Variants in IQSEC3 observed in about 807,000 individuals in gnomAD.
IQSEC3 encodes IQ motif and SEC7 domain-containing protein 3.
IQSEC3 carries 50 observed loss-of-function variants against 105.4 expected under a neutral mutation model. That is an observed-to-expected ratio of 0.47 (90% confidence interval 0.38 to 0.60). IQSEC3 has a LOEUF of 0.60. Ranked by LOEUF, IQSEC3 falls within the 20% of genes least tolerant of loss-of-function variation. IQSEC3 has a pLI of 0.00. For synonymous variants in IQSEC3, 708 were observed against 746.0 expected (o/e 0.95, Z 0.83); for missense variants, 1,415 against 1,630.0 (o/e 0.87, Z 2.27).
At chr12:72,841 G>A (rs1201866243) in intron 1 of IQSEC3, among the ~76,000 whole-genome samples, 5 of 116,130 alleles carry the variant, frequency 4.3e-5, no homozygotes, top group South Asian at 3.4e-4. Flanking sequence ...TCAGGAGATC[G>A]AGACCATCCT....
chr12:124,484 A>G (rs1555082635), intron 2 of IQSEC3, among the ~76,000 whole-genome samples: 2 of 152,154 alleles, frequency 1.3e-5, no homozygotes, highest in African/African-American at 2.4e-5. Flanking sequence ...TTTCTTCCTC[A>G]CTGTAACCTC....
chr12:68,561 C>T (rs868952675), intron 1 of IQSEC3, among the ~76,000 whole-genome samples: 1 of 152,386 alleles, frequency 6.6e-6, no homozygotes. Flanking sequence ...GCCATGTCTG[C>T]TTCTTTTCTC....
intron 1 of IQSEC3, among the ~76,000 whole-genome samples, chr12:83,788 C>T (rs1565383095): frequency 2.6e-5 from 4 of 152,070 alleles, no homozygotes; most frequent in African/African-American, 4.8e-5. Context: ...GAAGGGAGAG[C>T]AGTTCAGCAG....
At chr12:129,025 TCTC>T (rs1865505659) in intron 3 of IQSEC3, among the ~76,000 whole-genome samples, 2 of 151,976 alleles carry the variant, frequency 1.3e-5, no homozygotes, top group Non-Finnish European at 2.9e-5. Flanking sequence ...TCCTGGGGAT[TCTC>T]CTCACCTGTC....
At chr12:165,662 C>T in intron 10 of IQSEC3, 67 bp from the exon 11 acceptor site, 2 of 1,598,066 alleles carry the variant, frequency 1.3e-6, no homozygotes, top group East Asian at 2.2e-5. Flanking sequence ...CTCCTCATGT[C>T]TGGCTGGCTC....
rs78756163 is a variant in IQSEC3 at position 158,174 on chromosome 12, G to GT, written c.2443+493dup. On this transcript the variant is annotated intron_variant, in intron 7 of 13. Transcript: ENST00000538872. ...GGCAGAGTGTGATGTGTGCGCAATT[G>GT]TTTTTTTTTTTTTACCCGTTAAAAG... 8.7e-3 allele frequency among the ~76,000 whole-genome samples: 1,236 copies of GT among 142,566 alleles called. 8 individuals carry two copies. Among genetic ancestry groups the GT allele is most frequent in the South Asian group, 0.025 (110 of 4,424 alleles). The allele number at this position is 142,566 out of a possible 152,430, so 93.5% of individuals were successfully genotyped here. A position where few individuals can be genotyped will look rare whatever the true frequency, so the allele number is the denominator to read the frequency against.
rs1386237729 is a variant in IQSEC3 at position 151,322 on chromosome 12, G to A, written c.2154-5703G>A. ...TCACACTAGAGAACGGTACCTCCAG[G>A]CCCCTGGGTGCTCCAGCCAGAGCTC... On this transcript the variant is annotated intron_variant, in intron 5 of 13. Transcript: ENST00000538872. 2.0e-5 allele frequency among the ~76,000 whole-genome samples: 3 copies of A among 152,198 alleles called. No homozygotes were observed. In the East Asian group the frequency reaches 5.8e-4, roughly 29 times the overall value.
chr12:72,427 C>T (rs1413539006), intron 1 of IQSEC3, among the ~76,000 whole-genome samples: 1 of 145,388 alleles, frequency 6.9e-6, no homozygotes, highest in Non-Finnish European at 1.5e-5. Context: ...GATTTTTGGA[C>T]AAGCTGCCTT....
chr12:168,923 T>G, intron 11 of IQSEC3, 90 bp from the exon 12 acceptor site: 1 of 1,078,450 alleles, frequency 9.3e-7, no homozygotes, highest in Non-Finnish European at 1.4e-6. Context: ...CTCCTCTTCC[T>G]CCCCTTTCTG....
At chr12:143,778 T>C (rs1866139026) in intron 5 of IQSEC3, 2 of 173,402 alleles carry the variant, frequency 1.2e-5, no homozygotes, top group African/African-American at 4.8e-5. Context: ...TCAACAAACA[T>C]CGAGCACTTA....
chr12:159,353 G>A (rs1369332319), intron 7 of IQSEC3, among the ~76,000 whole-genome samples: 1 of 152,202 alleles, frequency 6.6e-6, no homozygotes, highest in Non-Finnish European at 1.5e-5. Flanking sequence ...CCTGCATCCT[G>A]GGCCCTCCTT....
chr12:138,859 T>C lies in IQSEC3; in HGVS notation c.1496T>C (p.Val499Ala). Reference protein sequence around the residue: ...TVQIANQNISVSSSTALSVAN... With the variant: ...TVQIANQNISASSSTALSVAN... ...CAGATCGCCAACCAGAACATATCCG[T>C]CTCCTCCTCCACGGCTCTGTCGGTG... Residue 499 changes from valine to alanine, a missense_variant, in exon 4 of 14, where the codon GTC (valine) becomes GCC (alanine). By Grantham distance (64) the Val-to-Ala change is moderately conservative (BLOSUM62 0). Around this residue, in one of 6 missense-constraint regions of IQSEC3, gnomAD observed 720 missense variants for 633.0 expected, o/e 1.14. Transcript: ENST00000538872. The surrounding 1 kb of genome is among the most constrained non-coding windows in gnomAD (Gnocchi z 7.1). The C allele has an allele frequency of 6.2e-7, 1 of 1,611,902 alleles. No homozygotes were observed. Among genetic ancestry groups the C allele is most frequent in the Non-Finnish European group, 8.5e-7 (1 of 1,179,326 alleles).
intron 3 of IQSEC3, among the ~76,000 whole-genome samples, chr12:128,208 G>A (rs964914962): frequency 6.6e-6 from 1 of 151,330 alleles, no homozygotes. Context: ...CACAGGGCCC[G>A]GGTGTCCCCG....
chr12:117,573 CA>C (rs1865088823), intron 2 of IQSEC3, among the ~76,000 whole-genome samples: 1 of 152,140 alleles, frequency 6.6e-6, no homozygotes, highest in Non-Finnish European at 1.5e-5. Context: ...CCCTGTGGCC[CA>C]CCTTGAGGGA....
intron 3 of IQSEC3, among the ~76,000 whole-genome samples, chr12:130,800 A>G (rs1324182411): frequency 6.6e-6 from 1 of 152,188 alleles, no homozygotes; most frequent in African/African-American, 2.4e-5. Flanking sequence ...CACAGACCCA[A>G]GGCTCCTGTG....
rs781880398 is a variant in IQSEC3, at chr12:125,754, G to C, written c.745G>C (p.Glu249Gln). 5.4e-5 allele frequency: 82 copies of C among 1,516,558 alleles called. No homozygotes were observed. Among genetic ancestry groups the C allele is most frequent in the Non-Finnish European group, 7.0e-5 (80 of 1,139,934 alleles). The allele number at this position is 1,516,558 out of a possible 1,614,324, so 93.9% of individuals were successfully genotyped here. Residue 249 changes from glutamate to glutamine, a missense_variant, in exon 3 of 14, where the codon GAG becomes CAG. Coordinates refer to ENST00000538872, the MANE Select transcript of IQSEC3 (RefSeq NM_001170738.2). ...GGCTCAAGCCCAGGAGCTGCAGGAGGAGGAGGAGCGGCCGGGGGCAGGGGC... is the reference window on the plus strand; with the variant it reads ...GGCTCAAGCCCAGGAGCTGCAGGAGCAGGAGGAGCGGCCGGGGGCAGGGGC... ...PKAQAQELQEEEERPGAGAAS... is the reference protein window; with the variant it reads ...PKAQAQELQEQEERPGAGAAS...
intron 2 of IQSEC3, chr12:111,716 T>G (rs1233279432): frequency 2.0e-5 from 3 of 152,202 alleles, no homozygotes; most frequent in Non-Finnish European, 4.4e-5. Flanking sequence ...TATGGCTTCT[T>G]CGGGGAGCTG....
rs549841670 is a variant in IQSEC3 at position 81,709 on chromosome 12, T to C, written c.554+14273T>C. 3.3e-5 allele frequency among the ~76,000 whole-genome samples: 5 copies of C among 152,208 alleles called. No individual in the cohort carries two copies. In the South Asian group the frequency reaches 8.3e-4, roughly 25 times the overall value. ...AGGCATTTGGAATGGGCTGGAGGTA[T>C]AACTTTGGGATGCTTTTAAAGCCTT... On this transcript the variant is annotated intron_variant, in intron 1 of 13. Coordinates refer to ENST00000538872, the MANE Select transcript of IQSEC3 (RefSeq NM_001170738.2).
intron 1 of IQSEC3, among the ~76,000 whole-genome samples, chr12:83,989 G>A (rs990615453): frequency 3.3e-5 from 5 of 152,186 alleles, no homozygotes; most frequent in Non-Finnish European, 7.3e-5. Flanking sequence ...GGCTCAAAGA[G>A]GTTAAGGTGA....
Sources: allele counts gnomAD v4.1 joint callset (sites outside exome capture counted in the v4.1 genomes callset), GRCh38; gene constraint gnomAD v4.1.1; regional missense constraint gnomAD v4.1.1; non-coding constraint Gnocchi (gnomAD v3.1); transcripts MANE v1.5; gene names NCBI Gene and HGNC (gene_info 2026-07-23, HGNC 2026-07-21).